Variants in EZR observed in about 807,000 individuals in gnomAD.
The protein encoded by EZR is cytovillin 2.
A neutral mutation model predicts 74.8 loss-of-function variants in EZR; 40 were observed. That is an observed-to-expected ratio of 0.53 (90% CI 0.42 to 0.70). The LOEUF (loss-of-function observed/expected upper bound fraction) is 0.70. EZR is among the 30% of genes least tolerant of loss of function. The pLI, the probability that EZR is intolerant of heterozygous loss-of-function variation, is 0.00. For synonymous variants in EZR, 341 were observed against 283.3 expected (o/e 1.20, Z -2.05); for missense variants, 678 against 755.8 (o/e 0.90, Z 1.21).
In EZR at chr6:158,789,279, G is replaced by A; in HGVS notation, c.96+9C>T. ...TAGGTGGAGTTAACTCTCAAGTTCA[G>A]AGACCAACCTGATCAAAAAGCTGTT... On this transcript the variant is annotated intron_variant, in intron 3 of 13. Coordinates refer to ENST00000367075, the MANE Select transcript of EZR (RefSeq NM_001111077.2). The A allele has an allele frequency of 6.2e-7, 1 of 1,611,206 alleles. No individual in the cohort carries two copies. Among genetic ancestry groups the A allele is most frequent in the South Asian group, 1.1e-5 (1 of 90,784 alleles).
intron 12 of EZR, among the ~76,000 whole-genome samples, chr6:158,767,855 T>G (rs1790952791): frequency 2.6e-5 from 4 of 152,154 alleles, no homozygotes. Context: ...ACAGTCATTA[T>G]CAAGTGCTCT....
chr6:158,806,280 C>T (rs910147659), intron 2 of EZR, among the ~76,000 whole-genome samples: 2 of 152,198 alleles, frequency 1.3e-5, no homozygotes, highest in Non-Finnish European at 2.9e-5. Flanking sequence ...GATCCTCCCA[C>T]CTCAACACTC....
chr6:158,771,408 C>T lies in EZR; in HGVS notation c.796-1G>A. The T allele has an allele frequency of 6.2e-7, 1 of 1,600,868 alleles. No individual in the cohort carries two copies. The highest frequency in any genetic ancestry group is 8.5e-7 in the Non-Finnish European group (1 of 1,172,350). Reference sequence around the variant, plus strand: ...GACGTGGGGCATAAAACACAAAGTCCTACAAAACAGAACAGGGCCACCTGG... The same window carrying T: ...GACGTGGGGCATAAAACACAAAGTCTTACAAAACAGAACAGGGCCACCTGG... On this transcript the variant is annotated splice_acceptor_variant, in intron 8 of 13. Coordinates refer to ENST00000367075, the MANE Select transcript of EZR (RefSeq NM_001111077.2). LOFTEE classifies it high-confidence loss of function.
chr6:158,783,194 T>C (rs1791477402), intron 7 of EZR, among the ~76,000 whole-genome samples: 1 of 151,272 alleles, frequency 6.6e-6, no homozygotes, highest in Admixed American at 6.6e-5. Flanking sequence ...GAAGTAGCTA[T>C]GGATGGATGT....
At chr6:158,806,372 T>C (rs769717815) in intron 2 of EZR, among the ~76,000 whole-genome samples, 4 of 152,190 alleles carry the variant, frequency 2.6e-5, no homozygotes, top group East Asian at 1.9e-4. Flanking sequence ...TATTCTATTA[T>C]GGAAAGTTGA....
chr6:158,768,020 A>G (rs1790962519), intron 12 of EZR, among the ~76,000 whole-genome samples: 1 of 151,146 alleles, frequency 6.6e-6, no homozygotes, highest in Non-Finnish European at 1.5e-5. Context: ...CCTAAGAACC[A>G]AAGTCTTCCG....
At chr6:158,803,527 TTATATATATATATATATG>T (rs1343302259) in intron 2 of EZR, among the ~76,000 whole-genome samples, 2,227 of 20,232 alleles carry the variant, frequency 0.11, 113 homozygotes, top group African/African-American at 0.14. Context: ...TTATGTAACA[TTATATATATATATATATG>T]TATATATATA....
At chr6:158,812,356 C>G (rs1300087369) in intron 2 of EZR, among the ~76,000 whole-genome samples, 6 of 152,066 alleles carry the variant, frequency 3.9e-5, no homozygotes, top group Non-Finnish European at 5.9e-5. Flanking sequence ...CTGCCCTTTT[C>G]CTATTGAATC....
intron 2 of EZR, among the ~76,000 whole-genome samples, chr6:158,816,065 A>G (rs1777546831): frequency 6.6e-6 from 1 of 152,254 alleles, no homozygotes; most frequent in South Asian, 2.1e-4. Context: ...AGGAAATGAG[A>G]CTGTCACAAA....
Position 158,815,226 on chromosome 6 carries a change from C to CA in EZR, c.12+2855dup, listed in dbSNP as rs113708256. Among the ~76,000 whole-genome samples, 808 of 152,172 alleles carry CA rather than the reference C, an allele frequency of 5.3e-3. 3 individuals carry two copies. Among genetic ancestry groups the CA allele is most frequent in the African/African-American group, 0.018 (765 of 41,508 alleles). ...TTCATTTTAACATTTACTAAGGCAG[C>CA]AAAAAAACCCCAAACCAAACCAAAA... On this transcript the variant is annotated intron_variant, in intron 2 of 13. Coordinates refer to ENST00000367075, the MANE Select transcript of EZR (RefSeq NM_001111077.2).
Position 158,766,734 on chromosome 6 carries a change from G to T in EZR, c.*180C>A. The T allele has an allele frequency of 1.5e-6, 1 of 661,178 alleles. No individual in the cohort carries two copies. The allele number at this position is 661,178 out of a possible 1,614,324, so 41.0% of individuals were successfully genotyped here. ...GCCTGCTTGGCACTATTACAACTGG[G>T]GAAAACAAACCAGGGCGCCTCCCTG... is the stretch of plus-strand genomic sequence containing the variant. On this transcript the variant is annotated 3_prime_UTR_variant, in exon 14 of 14. Coordinates refer to ENST00000367075, the MANE Select transcript of EZR (RefSeq NM_001111077.2).
intron 5 of EZR, 32 bp downstream of exon 5, chr6:158,785,277 C>A (rs1480148513): frequency 6.2e-7 from 1 of 1,607,224 alleles, no homozygotes; most frequent in Non-Finnish European, 8.5e-7. Flanking sequence ...GGCATGACTG[C>A]TCCTGCCCAG....
chr6:158,772,233 CTTCCCAGGG>C (rs1791133056), intron 8 of EZR, among the ~76,000 whole-genome samples: 2 of 152,260 alleles, frequency 1.3e-5, no homozygotes. Context: ...CATCTCTTAT[CTTCCCAGGG>C]TATTTGAGGT....
intron 8 of EZR, among the ~76,000 whole-genome samples, chr6:158,773,452 A>G (rs1791180471): frequency 6.6e-6 from 1 of 152,372 alleles, no homozygotes; most frequent in East Asian, 1.9e-4. Context: ...CTGATGCAGG[A>G]TGCAGCTTCC....
chr6:158,814,500 G>A (rs1046435105), intron 2 of EZR, among the ~76,000 whole-genome samples: 3 of 151,496 alleles, frequency 2.0e-5, no homozygotes, highest in Admixed American at 6.6e-5. Flanking sequence ...AACAAGGTCT[G>A]CCTCGCCCTC....
intron 7 of EZR, among the ~76,000 whole-genome samples, chr6:158,777,007 C>T (rs1453444120): frequency 6.6e-6 from 1 of 152,182 alleles, no homozygotes; most frequent in Admixed American, 6.5e-5. Context: ...CTGTCAAATC[C>T]AGCCCCAAAC....
chr6:158,810,979 T>G (rs945424147), intron 2 of EZR, among the ~76,000 whole-genome samples: 3 of 152,236 alleles, frequency 2.0e-5, no homozygotes, highest in African/African-American at 7.2e-5. Context: ...AAATTAGCTA[T>G]GAAATTCTCT....
chr6:158,783,249 G>C (rs977114904), intron 7 of EZR, among the ~76,000 whole-genome samples: 1 of 150,772 alleles, frequency 6.6e-6, no homozygotes, highest in South Asian at 2.1e-4. Context: ...GAGGCAGCGG[G>C]GAGGAGAGGC....
chr6:158,773,350 A>G (rs1429477858), intron 8 of EZR, among the ~76,000 whole-genome samples: 1 of 152,140 alleles, frequency 6.6e-6, no homozygotes, highest in Non-Finnish European at 1.5e-5. Flanking sequence ...CTGGCAGGAA[A>G]TCTCTCCCAG....
Sources: allele counts gnomAD v4.1 joint callset (sites outside exome capture counted in the v4.1 genomes callset), GRCh38; gene constraint gnomAD v4.1.1; transcripts MANE v1.5; gene names NCBI Gene and HGNC (gene_info 2026-07-23, HGNC 2026-07-21).